The following KDM4B variants were observed in gnomAD, a reference collection of about 807,000 sequenced individuals.
KDM4B encodes the protein lysine-specific demethylase 4B.
A neutral mutation model predicts 125.2 loss-of-function variants in KDM4B; 32 were observed. The observed-to-expected ratio is 0.26, with a 90% CI of 0.19 to 0.34. The LOEUF is 0.34. KDM4B is among the 10% of genes least tolerant of loss of function. The probability of loss-of-function intolerance (pLI) is 1.00; values close to 1 mark genes in which losing one functional copy is unlikely to be tolerated. For synonymous variants in KDM4B, 721 were observed against 677.9 expected (o/e 1.06, Z -0.99); for missense variants, 1,190 against 1,577.7 (o/e 0.75, Z 4.16).
intron 6 of KDM4B, among the ~76,000 whole-genome samples, chr19:5,069,331 A>G (rs2037872909): frequency 6.6e-6 from 1 of 151,528 alleles, no homozygotes; most frequent in South Asian, 2.1e-4. Context: ...ATTTTTTGAG[A>G]CAGAGTCTTG....
chr19:5,008,822 C>T (rs1489355065), intron 1 of KDM4B, among the ~76,000 whole-genome samples: 2 of 149,648 alleles, frequency 1.3e-5, no homozygotes, highest in African/African-American at 2.5e-5. Context: ...AGGCTGGTAT[C>T]GAACTCCTGA....
chr19:5,062,540 G>A (rs1243258536), intron 6 of KDM4B, among the ~76,000 whole-genome samples: 1 of 152,218 alleles, frequency 6.6e-6, no homozygotes, highest in African/African-American at 2.4e-5. Flanking sequence ...TCTGTGTGTG[G>A]CCTTGTTTGT....
intron 15 of KDM4B, among the ~76,000 whole-genome samples, chr19:5,137,055 T>A (rs568654058): frequency 1.3e-5 from 2 of 152,250 alleles, no homozygotes; most frequent in East Asian, 3.9e-4. Context: ...TCCAGACCTT[T>A]CTCTCGCTCC....
At chr19:5,128,265 CAT>C (rs2039483751) in intron 11 of KDM4B, among the ~76,000 whole-genome samples, 2 of 152,206 alleles carry the variant, frequency 1.3e-5, no homozygotes, top group South Asian at 2.1e-4. Flanking sequence ...CCCAATTCCT[CAT>C]GTGTGCACTG....
At position 4,997,057 on chromosome 19, in the gene KDM4B, C is replaced by T. The variant is rs1284316925; in HGVS notation, c.-108-19200C>T. On this transcript the variant is annotated intron_variant, in intron 1 of 22. Transcript: ENST00000159111. This position sits in a 1 kb window ranked among gnomAD's most constrained non-coding sequence, Gnocchi z 4.2. ...GTGAGTGGGTTCTTTGCATCCCTGGCCTCCACCCCCTCCACGCCAGCACCA... is the reference window on the plus strand; with the variant it reads ...GTGAGTGGGTTCTTTGCATCCCTGGTCTCCACCCCCTCCACGCCAGCACCA... 6.6e-6 allele frequency among the ~76,000 whole-genome samples: 1 copy of T among 152,118 alleles called. No individual in the cohort carries two copies. Among genetic ancestry groups the T allele is most frequent in the African/African-American group, 2.4e-5 (1 of 41,410 alleles).
At chr19:5,100,658 C>T (rs1401830929) in intron 9 of KDM4B, among the ~76,000 whole-genome samples, 1 of 152,126 alleles carries the variant, frequency 6.6e-6, no homozygotes, top group Non-Finnish European at 1.5e-5. Flanking sequence ...TCAAGTGATC[C>T]TCTCGCCTCG....
intron 1 of KDM4B, among the ~76,000 whole-genome samples, chr19:4,980,719 C>T (rs566593898): frequency 4.6e-5 from 7 of 152,240 alleles, no homozygotes; most frequent in East Asian, 3.9e-4. Context: ...TGAGCCACCG[C>T]GCCCGGCCCA....
intron 9 of KDM4B, among the ~76,000 whole-genome samples, chr19:5,090,507 TCTCTCTCC>T (rs1242572736): frequency 2.7e-5 from 1 of 36,930 alleles, no homozygotes; most frequent in African/African-American, 1.1e-4. Flanking sequence ...TCTCGCCCCC[TCTCTCTCC>T]CTCTCCCCCT....
At chr19:5,100,489 G>A (rs988945719) in intron 9 of KDM4B, among the ~76,000 whole-genome samples, 1 of 152,154 alleles carries the variant, frequency 6.6e-6, no homozygotes, top group Non-Finnish European at 1.5e-5. Context: ...GTGCAGTGGT[G>A]CAGTCATAGC....
rs546555440 is a variant in KDM4B at position 5,132,016 on chromosome 19, G to A, written c.1906+9G>A. On this transcript the variant is annotated intron_variant, in intron 13 of 22. Transcript: ENST00000159111. Reference sequence around the variant, plus strand: ...GGCCTCAAGTGACGAGGGTGAGTGGGGGGTCCCCAGGTCGGCTCTCATCAG... The same window carrying A: ...GGCCTCAAGTGACGAGGGTGAGTGGAGGGTCCCCAGGTCGGCTCTCATCAG... 94 of 1,599,822 alleles carry A rather than the reference G, an allele frequency of 5.9e-5. 1 individual carries two copies. The South Asian group carries it at 1.0e-3, about 17-fold the overall frequency.
intron 5 of KDM4B, chr19:5,047,258 T>A: frequency 1.9e-6 from 1 of 525,396 alleles, no homozygotes; most frequent in Non-Finnish European, 3.4e-6. Flanking sequence ...GAGCTATGAT[T>A]CTGCCACTGC....
intron 9 of KDM4B, among the ~76,000 whole-genome samples, chr19:5,084,476 A>G (rs945566338): frequency 7.1e-6 from 1 of 139,926 alleles, no homozygotes; most frequent in African/African-American, 2.6e-5. Flanking sequence ...ATATATAAAT[A>G]TAAATTATAT....
At chr19:5,012,453 G>T (rs1425938791) in intron 1 of KDM4B, among the ~76,000 whole-genome samples, 2 of 152,020 alleles carry the variant, frequency 1.3e-5, no homozygotes, top group South Asian at 2.1e-4. Flanking sequence ...CCCCCACACC[G>T]GGATTCCTCG....
At chr19:5,100,456 A>G (rs2613749) in intron 9 of KDM4B, among the ~76,000 whole-genome samples, 3,141 of 152,240 alleles carry the variant, frequency 0.021, 100 homozygotes, top group African/African-American at 0.068. Flanking sequence ...TCACTCTGAA[A>G]TGAGACAGAG....
intron 12 of KDM4B, 61 bp from the exon 13 acceptor site, chr19:5,131,826 G>C: frequency 6.2e-7 from 1 of 1,608,182 alleles, no homozygotes; most frequent in Non-Finnish European, 8.5e-7. Context: ...GTGTGGCTCC[G>C]AGGGAGCCCC....
rs752798255 is a variant in KDM4B, at chr19:5,151,402, C to T, written c.3182C>T (p.Pro1061Leu). ...SGEEAKAAKR[P>L]RVGTPLATED... The stretch of plus-strand genomic sequence containing the variant: ...GAGGAGGCCAAGGCCGCCAAGCGCC[C>T]GCGTGTGGGCACCCCGCTTGCCACG... Residue 1061 changes from proline (P) to leucine (L), a missense_variant, in exon 23 of 23, where the codon CCG (proline) becomes CTG (leucine). Transcript: ENST00000159111. 3.2e-5 allele frequency: 51 copies of T among 1,581,960 alleles called. No individual in the cohort carries two copies. In the East Asian group the frequency reaches 6.8e-4, roughly 21 times the overall value.
At chr19:5,077,764 T>TGGAAGGGCAGGGGC (rs1240824565) in intron 8 of KDM4B, 2 of 383,360 alleles carry the variant, frequency 5.2e-6, no homozygotes, top group Non-Finnish European at 9.5e-6. Flanking sequence ...GCTGCAGGGG[T>TGGAAGGGCAGGGGC]GGAAGGGCAG....
At chr19:5,150,557 C>T (rs2146124292) in intron 22 of KDM4B, 107 bp downstream of exon 22, 4 of 757,692 alleles carry the variant, frequency 5.3e-6, no homozygotes, top group South Asian at 5.2e-5. Flanking sequence ...ACCCCCTCCT[C>T]TTGCACCTCT....
At chr19:5,047,961 C>T (rs907399621) in intron 6 of KDM4B, among the ~76,000 whole-genome samples, 5 of 152,204 alleles carry the variant, frequency 3.3e-5, no homozygotes, top group Non-Finnish European at 5.9e-5. Context: ...TGGCCAGGAG[C>T]GTGGTCTTGA....
Sources: allele counts gnomAD v4.1 joint callset (sites outside exome capture counted in the v4.1 genomes callset), GRCh38; gene constraint gnomAD v4.1.1; non-coding constraint Gnocchi (gnomAD v3.1); transcripts MANE v1.5; gene names NCBI Gene and HGNC (gene_info 2026-07-23, HGNC 2026-07-21).